OR10X1: variants seen among roughly 807,000 people sequenced by gnomAD.
OR10X1 encodes the protein olfactory receptor 10X1.
For missense variants in OR10X1, 449 were observed against 387.0 expected, an observed-to-expected ratio of 1.16 and a Z score of -1.34; for synonymous variants, 179 against 142.6, an observed-to-expected ratio of 1.26 and a Z score of -1.82.
chr1:158,579,227 C>A lies in OR10X1; in HGVS notation c.673G>T (p.Gly225Cys). The A allele has an allele frequency of 1.2e-6, 2 of 1,613,684 alleles. No individual in the cohort carries two copies. The highest frequency in any genetic ancestry group is 8.5e-7 in the Non-Finnish European group (1 of 1,179,922). ...GTCAGGATGATGAGCAGAAGGGTAC[C>A]CAGCAAACCAGACACTGAGATCAGT... Reference protein sequence around the residue: ...ITLISVSGLLGTLLLIILTDV... With the variant: ...ITLISVSGLLCTLLLIILTDV... The change falls in exon 1 of 1, where the codon GGT becomes TGT. Residue 225 changes from glycine to cysteine, a missense_variant. Coordinates refer to ENST00000623167, the MANE Select transcript of OR10X1 (RefSeq NM_001004477.1).
Position 158,579,031 on chromosome 1 carries a change from G to A in OR10X1, c.869C>T (p.Pro290Leu), listed in dbSNP as rs150430213. Residue 290 changes from proline (P) to leucine (L), a missense_variant, in exon 1 of 1, where the codon CCT (proline) becomes CTT (leucine). Physicochemically the swap from Pro to Leu is moderately conservative, Grantham distance 98. Coordinates refer to ENST00000623167, the MANE Select transcript of OR10X1 (RefSeq NM_001004477.1). Reference protein sequence around the residue: ...ASGDDTLIAVPYTVITPFLSP... With the variant: ...ASGDDTLIAVLYTVITPFLSP... The stretch of plus-strand genomic sequence containing the variant: ...GAGGAAGGGGGTAATGACAGTATAA[G>A]GGACTGCTATGAGTGTGTCATCTCC... 11 of 1,614,030 alleles carry A rather than the reference G, an allele frequency of 6.8e-6. No individual in the cohort carries two copies. In the South Asian group the frequency reaches 8.8e-5, roughly 13 times the overall value.
At position 158,579,781 on chromosome 1, in the gene OR10X1, T is replaced by G. The variant is rs1383798335; in HGVS notation, c.119A>C (p.Gln40Pro). The G allele has an allele frequency of 6.2e-7, 1 of 1,614,070 alleles. No individual in the cohort carries two copies. Among genetic ancestry groups the G allele is most frequent in the Non-Finnish European group, 8.5e-7 (1 of 1,179,940 alleles). The change falls in exon 1 of 1, where the codon CAG (glutamine) becomes CCG (proline). Residue 40 changes from glutamine to proline, a missense_variant. Transcript: ENST00000623167. ...AAAGAAGACCACAAAAAGAAATGTC[T>G]GTACATGTGGGTACACAGAAAAGCC... ...LVGFSVYPHV[Q>P]TFLFVVFFCL...
chr1:158,578,977 T>C lies in OR10X1; in HGVS notation c.923A>G (p.Lys308Arg). The change falls in exon 1 of 1, where the codon AAG becomes AGG. Residue 308 changes from lysine to arginine, a missense_variant. Lys to Arg is a conservative substitution (Grantham distance 26, BLOSUM62 2). Coordinates refer to ENST00000623167, the MANE Select transcript of OR10X1 (RefSeq NM_001004477.1). The stretch of plus-strand genomic sequence containing the variant: ...TCTTCTAAAAGCATTTTTCATGTCC[T>C]TATTCCTCAGGCTGAATATGATGGG... ...LSPIIFSLRNKDMKNAFRRMM... is the reference protein window; with the variant it reads ...LSPIIFSLRNRDMKNAFRRMM... 6.2e-7 allele frequency: 1 copy of C among 1,611,010 alleles called. No homozygotes were observed.
At position 158,579,882 on chromosome 1, in the gene OR10X1, A is replaced by G; in HGVS notation, c.18T>C (p.Tyr6=). 1 of 1,590,614 alleles carries G rather than the reference A, an allele frequency of 6.3e-7. No homozygotes were observed. The highest frequency in any genetic ancestry group is 8.5e-7 in the Non-Finnish European group (1 of 1,171,958). MVLNV[Y]CCFFQISDIQ... ...TGTCTGAAATTTGAAAGAAACAACA[A>G]TAAACATTCAACACCATTATCTTTT... Residue 6 remains tyrosine, a synonymous_variant, in exon 1 of 1, where the codon TAT becomes TAC. Coordinates refer to ENST00000623167, the MANE Select transcript of OR10X1 (RefSeq NM_001004477.1).
Position 158,579,025 on chromosome 1 carries a change from G to T in OR10X1, c.875C>A (p.Thr292Asn). ...GDDTLIAVPY[T>N]VITPFLSPII... is the part of the protein sequence containing the mutation. ...GGGGCTGAGGAAGGGGGTAATGACA[G>T]TATAAGGGACTGCTATGAGTGTGTC... The change falls in exon 1 of 1, where the codon ACT becomes AAT. Residue 292 changes from threonine to asparagine, a missense_variant. By Grantham distance (65) the Thr-to-Asn change is moderately conservative. Transcript: ENST00000623167. 2 of 1,614,058 alleles carry T rather than the reference G, an allele frequency of 1.2e-6. No individual in the cohort carries two copies. Among genetic ancestry groups the T allele is most frequent in the Non-Finnish European group, 1.7e-6 (2 of 1,179,984 alleles).
rs756511808 is a variant in OR10X1 at position 158,579,634 on chromosome 1, T to C, written c.266A>G (p.Tyr89Cys). ...LSALSFSETC[Y>C]TLTIVPKMLE... ...CATCTTGGGGACGATGGTCAGCGTA[T>C]AGCAGGTCTCAGAGAAGGAGAGTGC... Residue 89 changes from tyrosine to cysteine, a missense_variant, in exon 1 of 1, where the codon TAT becomes TGT. Transcript: ENST00000623167. The C allele has an allele frequency of 1.2e-6, 2 of 1,614,048 alleles. No individual in the cohort carries two copies. The highest frequency in any genetic ancestry group is 2.2e-5 in the East Asian group (1 of 44,862).
Position 158,579,468 on chromosome 1 carries a change from G to T in OR10X1, c.432C>A (p.Asn144Lys), listed in dbSNP as rs1648423946. 6.2e-7 allele frequency: 1 copy of T among 1,613,986 alleles called. No individual in the cohort carries two copies. The highest frequency in any genetic ancestry group is 1.1e-5 in the South Asian group (1 of 91,072). Residue 144 changes from asparagine to lysine, a missense_variant, in exon 1 of 1, where the codon AAC becomes AAA. Physicochemically the swap from Asn to Lys is moderately conservative, Grantham distance 94. Transcript: ENST00000623167. ...TCATAAGCAGTGGATATCTTAGAGG[G>T]TTACAGATGGCCAGGAAGCGGTCAT... The part of the protein sequence containing the change: ...MGYDRFLAIC[N>K]PLRYPLLMTN...
At position 158,579,570 on chromosome 1, in the gene OR10X1, G is replaced by A; in HGVS notation, c.330C>T (p.Val110=). Residue 110 remains valine (V), a synonymous_variant, in exon 1 of 1, where the codon GTC becomes GTT. Coordinates refer to ENST00000623167, the MANE Select transcript of OR10X1 (RefSeq NM_001004477.1). The part of the protein sequence containing the change: ...DLLAKDRSIS[V]TGCSLQMCFF... ...AGCACATCTGTAAGCTACAACCTGT[G>A]ACTGAAATGCTTCTGTCCTTGGCCA... is the stretch of plus-strand genomic sequence containing the variant. 1 of 1,614,086 alleles carries A rather than the reference G, an allele frequency of 6.2e-7. No individual in the cohort carries two copies. Among genetic ancestry groups the A allele is most frequent in the Non-Finnish European group, 8.5e-7 (1 of 1,179,976 alleles).
Position 158,579,773 on chromosome 1 carries a change from G to A in OR10X1, c.127C>T (p.Leu43Phe), listed in dbSNP as rs1648436814. Residue 43 changes from leucine (L) to phenylalanine (F), a missense_variant, in exon 1 of 1, where the codon CTT (leucine) becomes TTT (phenylalanine). Coordinates refer to ENST00000623167, the MANE Select transcript of OR10X1 (RefSeq NM_001004477.1). ...FSVYPHVQTFLFVVFFCLYLL... is the reference protein window; with the variant it reads ...FSVYPHVQTFFFVVFFCLYLL... The stretch of plus-strand genomic sequence containing the variant: ...TAGAGACAAAAGAAGACCACAAAAA[G>A]AAATGTCTGTACATGTGGGTACACA... 1.2e-6 allele frequency: 2 copies of A among 1,614,100 alleles called. No homozygotes were observed. The highest frequency in any genetic ancestry group is 1.7e-6 in the Non-Finnish European group (2 of 1,179,976).
Position 158,579,488 on chromosome 1 carries a change from G to C in OR10X1, c.412C>G (p.Arg138Gly), listed in dbSNP as rs747790868. 1 of 1,613,990 alleles carries C rather than the reference G, an allele frequency of 6.2e-7. No homozygotes were observed. The highest frequency in any genetic ancestry group is 8.5e-7 in the Non-Finnish European group (1 of 1,179,940). The change falls in exon 1 of 1, where the codon CGC becomes GGC. Residue 138 changes from arginine (R) to glycine (G), a missense_variant. Physicochemically the swap from Arg to Gly is moderately radical, Grantham distance 125. Coordinates refer to ENST00000623167, the MANE Select transcript of OR10X1 (RefSeq NM_001004477.1). Reference sequence around the variant, plus strand: ...AGAGGGTTACAGATGGCCAGGAAGCGGTCATATCCCATCAAAGTGAGAATG... The same window carrying C: ...AGAGGGTTACAGATGGCCAGGAAGCCGTCATATCCCATCAAAGTGAGAATG... ...CIILTLMGYD[R>G]FLAICNPLRY...
chr1:158,579,527 C>A lies in OR10X1; in HGVS notation c.373G>T (p.Gly125Cys). 1 of 1,613,998 alleles carries A rather than the reference C, an allele frequency of 6.2e-7. No individual in the cohort carries two copies. Among genetic ancestry groups the A allele is most frequent in the Middle Eastern group, 1.7e-4 (1 of 6,056 alleles). Residue 125 changes from glycine to cysteine, a missense_variant, in exon 1 of 1, where the codon GGC becomes TGC. By Grantham distance (159) the Gly-to-Cys change is radical (BLOSUM62 -3). Coordinates refer to ENST00000623167, the MANE Select transcript of OR10X1 (RefSeq NM_001004477.1). ...AAAGTGAGAATGATACAGTTTGTGC[C>A]ACCAAGTCCCAAGAAGAAGCACATC... ...LQMCFFLGLG[G>C]TNCIILTLMG...
Position 158,579,834 on chromosome 1 carries a change from C to A in OR10X1, c.66G>T (p.Gln22His). ...CAAGAATGAATTCCTTCAGGATTGT[C>A]TGGTTGATCTTCATCGTTTGAATGT... ...ISDIQTMKIN[Q>H]TILKEFILVG... is the part of the protein sequence containing the mutation. Residue 22 changes from glutamine to histidine, a missense_variant, in exon 1 of 1, where the codon CAG (glutamine) becomes CAT (histidine). By Grantham distance (24) the Gln-to-His change is conservative. Coordinates refer to ENST00000623167, the MANE Select transcript of OR10X1 (RefSeq NM_001004477.1). 1.2e-6 allele frequency: 2 copies of A among 1,610,644 alleles called. No individual in the cohort carries two copies. The highest frequency in any genetic ancestry group is 2.2e-5 in the South Asian group (2 of 89,982).
chr1:158,579,791 G>T lies in OR10X1; in HGVS notation c.109C>A (p.Pro37Thr), dbSNP rs747789161. Residue 37 changes from proline to threonine, a missense_variant, in exon 1 of 1, where the codon CCA becomes ACA. Coordinates refer to ENST00000623167, the MANE Select transcript of OR10X1 (RefSeq NM_001004477.1). ...ACAAAAAGAAATGTCTGTACATGTG[G>T]GTACACAGAAAAGCCAACAAGAATG... is the stretch of plus-strand genomic sequence containing the variant. ...EFILVGFSVY[P>T]HVQTFLFVVF... 1 of 1,613,942 alleles carries T rather than the reference G, an allele frequency of 6.2e-7. No individual in the cohort carries two copies. Among genetic ancestry groups the T allele is most frequent in the Non-Finnish European group, 8.5e-7 (1 of 1,179,920 alleles).
At position 158,579,202 on chromosome 1, in the gene OR10X1, G is replaced by A; in HGVS notation, c.698C>T (p.Thr233Ile). The A allele has an allele frequency of 1.9e-6, 3 of 1,613,970 alleles. No homozygotes were observed. The highest frequency in any genetic ancestry group is 1.6e-4 in the Middle Eastern group (1 of 6,062). ...GACAGTAGAAATAATGAAGACATCA[G>A]TCAGGATGATGAGCAGAAGGGTACC... ...LLGTLLLIIL[T>I]DVFIISTVLR... The change falls in exon 1 of 1, where the codon ACT becomes ATT. Residue 233 changes from threonine to isoleucine, a missense_variant. By Grantham distance (89) the Thr-to-Ile change is moderately conservative (BLOSUM62 -1). Transcript: ENST00000623167.
chr1:158,579,655 A>T lies in OR10X1; in HGVS notation c.245T>A (p.Leu82His), dbSNP rs1648432013. Reference protein sequence around the residue: ...HTPMYLFLSALSFSETCYTLT... With the variant: ...HTPMYLFLSAHSFSETCYTLT... ...CGTATAGCAGGTCTCAGAGAAGGAG[A>T]GTGCACTAAGGAAGAGATACATAGG... Residue 82 changes from leucine to histidine, a missense_variant, in exon 1 of 1, where the codon CTC becomes CAC. Transcript: ENST00000623167. The T allele has an allele frequency of 1.9e-6, 3 of 1,613,884 alleles. No homozygotes were observed. Among genetic ancestry groups the T allele is most frequent in the Non-Finnish European group, 2.5e-6 (3 of 1,179,948 alleles).
rs1388771803 is a variant in OR10X1 at position 158,579,254 on chromosome 1, T to C, written c.646A>G (p.Thr216Ala). The C allele has an allele frequency of 6.2e-7, 1 of 1,613,654 alleles. No individual in the cohort carries two copies. The highest frequency in any genetic ancestry group is 1.1e-5 in the South Asian group (1 of 91,056). ...AGCAAACCAGACACTGAGATCAGTG[T>C]TATAATGAATTCTGTGTGGTTACTG... ...IDSNHTEFII[T>A]LISVSGLLGT... The change falls in exon 1 of 1, where the codon ACA (threonine) becomes GCA (alanine). Residue 216 changes from threonine (T) to alanine (A), a missense_variant. Coordinates refer to ENST00000623167, the MANE Select transcript of OR10X1 (RefSeq NM_001004477.1).
Position 158,579,837 on chromosome 1 carries a change from GT to G in OR10X1, c.62del (p.Asn21ThrfsTer5). 2 of 1,610,860 alleles carry G rather than the reference GT, an allele frequency of 1.2e-6. No individual in the cohort carries two copies. Among genetic ancestry groups the G allele is most frequent in the African/African-American group, 2.7e-5 (2 of 74,806 alleles). ...GAATGAATTCCTTCAGGATTGTCTG[GT>G]TGATCTTCATCGTTTGAATGTCTGA... ...QISDIQTMKI[N>X]QTILKEFILV... On this transcript the variant is annotated frameshift_variant, in exon 1 of 1. Transcript: ENST00000623167. LOFTEE classifies it low-confidence loss of function (END_TRUNC).
Position 158,579,180 on chromosome 1 carries a change from A to T in OR10X1, c.720T>A (p.Thr240=), listed in dbSNP as rs778836179. ...IILTDVFIIS[T]VLRIPSAEGK... is the part of the protein sequence containing the mutation. ...CCTCAGCTGAAGGGATCCTGAGGAC[A>T]GTAGAAATAATGAAGACATCAGTCA... Residue 240 remains threonine (T), a synonymous_variant, in exon 1 of 1, where the codon ACT becomes ACA. Transcript: ENST00000623167. The T allele has an allele frequency of 6.2e-7, 1 of 1,614,000 alleles. No homozygotes were observed. Among genetic ancestry groups the T allele is most frequent in the Non-Finnish European group, 8.5e-7 (1 of 1,179,984 alleles).
Position 158,579,877 on chromosome 1 carries a change from CA to C in OR10X1, c.22del (p.Cys8ValfsTer11). 1 of 1,592,542 alleles carries C rather than the reference CA, an allele frequency of 6.3e-7. No individual in the cohort carries two copies. Among genetic ancestry groups the C allele is most frequent in the East Asian group, 2.2e-5 (1 of 44,808 alleles). On this transcript the variant is annotated frameshift_variant, in exon 1 of 1. Transcript: ENST00000623167. LOFTEE classifies it low-confidence loss of function (END_TRUNC). ...TTGAATGTCTGAAATTTGAAAGAAACAACAATAAACATTCAACACCATTATC... is the reference window on the plus strand; with the variant it reads ...TTGAATGTCTGAAATTTGAAAGAAACACAATAAACATTCAACACCATTATC... MVLNVYC[C>X]FFQISDIQTM...
Sources: allele counts gnomAD v4.1 joint callset, GRCh38; gene constraint gnomAD v4.1.1; transcripts MANE v1.5; gene names NCBI Gene and HGNC (gene_info 2026-07-23, HGNC 2026-07-21).